Variants in FAM210A observed in about 807,000 individuals in gnomAD.
The protein encoded by FAM210A is mitochondrial inner membrane scaffold 1, also known as family with sequence similarity 210 member A.
FAM210A carries 13 observed loss-of-function variants against 25.3 expected under a neutral mutation model. That is an observed-to-expected ratio of 0.51 (90% CI 0.33 to 0.82). The LOEUF (loss-of-function observed/expected upper bound fraction) is 0.82, where lower values mean the gene tolerates loss of function less well. Among genes scored for constraint, FAM210A ranks in the 40% least tolerant of loss-of-function variants. The pLI, the probability that FAM210A is intolerant of heterozygous loss-of-function variation, is 0.02. For missense variants in FAM210A, 319 were observed against 323.2 expected, an observed-to-expected ratio of 0.99 and a Z score of 0.10; for synonymous variants, 125 against 118.7, an observed-to-expected ratio of 1.05 and a Z score of -0.35.
intron 2 of FAM210A, 113 bp from the exon 3 acceptor site, chr18:13,672,086 T>C: frequency 1.8e-5 from 12 of 681,968 alleles, no homozygotes; most frequent in Non-Finnish European, 2.9e-5. Flanking sequence ...GCTTAAAAGT[T>C]GATTCTACAT....
chr18:13,677,366 G>A lies in FAM210A; in HGVS notation c.473+4239C>T, dbSNP rs546685783. On this transcript the variant is annotated intron_variant, in intron 2 of 3. Transcript: ENST00000651643. Reference sequence around the variant, plus strand: ...TGGGATTACAGGCGTGAGCCATCACGCCCGGCCCCTGTCCCGCTTAAGGGC... The same window carrying A: ...TGGGATTACAGGCGTGAGCCATCACACCCGGCCCCTGTCCCGCTTAAGGGC... Among the ~76,000 whole-genome samples the A allele has an allele frequency of 1.6e-3, 246 of 152,256 alleles. 1 individual carries two copies. The highest frequency in any genetic ancestry group is 5.8e-3 in the African/African-American group (239 of 41,564).
At chr18:13,682,950 G>A (rs1368343233) in intron 1 of FAM210A, among the ~76,000 whole-genome samples, 4 of 152,176 alleles carry the variant, frequency 2.6e-5, no homozygotes, top group African/African-American at 9.7e-5. Flanking sequence ...TGACACCATG[G>A]GGAATAATGT....
intron 1 of FAM210A, among the ~76,000 whole-genome samples, chr18:13,696,949 T>C (rs1204168222): frequency 6.6e-6 from 1 of 152,214 alleles, no homozygotes; most frequent in Non-Finnish European, 1.5e-5. Flanking sequence ...TGGTAAGTAC[T>C]CTGGTATAGG....
At position 13,681,592 on chromosome 18, in the gene FAM210A, A is replaced by C; in HGVS notation, c.473+13T>G. 1.3e-6 allele frequency: 2 copies of C among 1,569,500 alleles called. No homozygotes were observed. Among genetic ancestry groups the C allele is most frequent in the Non-Finnish European group, 1.7e-6 (2 of 1,160,060 alleles). ...TAAGACAGGGAAAGACATTCAACTA[A>C]GCAAAAACTTACTTCAAGGCTGCAT... is the stretch of plus-strand genomic sequence containing the variant. On this transcript the variant is annotated intron_variant, in intron 2 of 3. Transcript: ENST00000651643.
intron 1 of FAM210A, among the ~76,000 whole-genome samples, chr18:13,687,239 G>A (rs991409124): frequency 1.1e-4 from 16 of 152,172 alleles, no homozygotes; most frequent in African/African-American, 3.4e-4. Context: ...CAGGTCACAC[G>A]CCTGTTACCA....
chr18:13,682,122 T>C lies in FAM210A; in HGVS notation c.-28-17A>G. Reference sequence around the variant, plus strand: ...TTTCAGCTTCTACAAAGACAATTTTTCAAAAAAATTAGGTAATACTTAGGT... The same window carrying C: ...TTTCAGCTTCTACAAAGACAATTTTCCAAAAAAATTAGGTAATACTTAGGT... On this transcript the variant is annotated splice_polypyrimidine_tract_variant and intron_variant, in intron 1 of 3. Transcript: ENST00000651643. 1 of 1,495,576 alleles carries C rather than the reference T, an allele frequency of 6.7e-7. No homozygotes were observed. Among genetic ancestry groups the C allele is most frequent in the Non-Finnish European group, 9.0e-7 (1 of 1,114,838 alleles). 92.6% of individuals were successfully genotyped at this position (1,495,576 alleles called of 1,614,324 possible).
At chr18:13,691,006 G>A (rs1229660122) in intron 1 of FAM210A, among the ~76,000 whole-genome samples, 1 of 152,076 alleles carries the variant, frequency 6.6e-6, no homozygotes, top group Non-Finnish European at 1.5e-5. Flanking sequence ...TAAAAACCTT[G>A]AAAAAAGATT....
chr18:13,711,736 TG>T (rs569525736), intron 1 of FAM210A, among the ~76,000 whole-genome samples: 97 of 152,318 alleles, frequency 6.4e-4, no homozygotes, highest in African/African-American at 2.3e-3. Context: ...CATTAGGTGA[TG>T]AACCCCAATT....
At chr18:13,686,073 T>G (rs1021389879) in intron 1 of FAM210A, among the ~76,000 whole-genome samples, 7 of 152,024 alleles carry the variant, frequency 4.6e-5, no homozygotes, top group Non-Finnish European at 1.0e-4. Flanking sequence ...CTAGCCAAGA[T>G]AAACTAAGAG....
At chr18:13,684,488 C>T (rs1786545) in intron 1 of FAM210A, among the ~76,000 whole-genome samples, 140,379 of 152,234 alleles carry the variant, frequency 0.92, 64,770 homozygotes, top group East Asian at 0.97. Context: ...AAGAGGGGCA[C>T]TGTATAATAA....
At chr18:13,669,696 C>T (rs2043427187) in intron 3 of FAM210A, among the ~76,000 whole-genome samples, 1 of 152,192 alleles carries the variant, frequency 6.6e-6, no homozygotes, top group African/African-American at 2.4e-5. Flanking sequence ...ACTACACTAT[C>T]AGCCCTATGA....
intron 1 of FAM210A, among the ~76,000 whole-genome samples, chr18:13,720,975 A>G (rs1374369340): frequency 1.3e-5 from 2 of 152,088 alleles, no homozygotes; most frequent in Non-Finnish European, 2.9e-5. Context: ...TCCTGTTTAT[A>G]AGGACACCAG....
chr18:13,702,739 C>T (rs543919480), intron 1 of FAM210A, among the ~76,000 whole-genome samples: 19 of 152,252 alleles, frequency 1.2e-4, no homozygotes, highest in South Asian at 6.2e-4. Flanking sequence ...AGTGGTGATC[C>T]GGGTCCAATA....
chr18:13,716,835 C>A (rs1300915468), intron 1 of FAM210A, among the ~76,000 whole-genome samples: 1 of 152,182 alleles, frequency 6.6e-6, no homozygotes, highest in Non-Finnish European at 1.5e-5. Flanking sequence ...TCCAGCCATG[C>A]TGAACTGTGA....
chr18:13,676,713 T>C (rs118072770), intron 2 of FAM210A, among the ~76,000 whole-genome samples: 2,074 of 152,360 alleles, frequency 0.014, 23 homozygotes, highest in Middle Eastern at 0.037. Flanking sequence ...GTCTCTCTAG[T>C]CTGCTTTTCT....
At chr18:13,670,315 C>T (rs1453645285) in intron 3 of FAM210A, among the ~76,000 whole-genome samples, 1 of 152,230 alleles carries the variant, frequency 6.6e-6, no homozygotes. Flanking sequence ...TAAAATTATA[C>T]CCACCATAAT....
chr18:13,683,117 C>T (rs781389649), intron 1 of FAM210A, among the ~76,000 whole-genome samples: 1 of 151,982 alleles, frequency 6.6e-6, no homozygotes, highest in African/African-American at 2.4e-5. Context: ...AGGATTGTCA[C>T]CAGGAATTAC....
At chr18:13,719,812 T>C (rs2043885677) in intron 1 of FAM210A, among the ~76,000 whole-genome samples, 1 of 152,204 alleles carries the variant, frequency 6.6e-6, no homozygotes, top group African/African-American at 2.4e-5. Context: ...GACTAATGAC[T>C]TCACAAGACA....
chr18:13,695,491 T>G (rs568575005), intron 1 of FAM210A, among the ~76,000 whole-genome samples: 1 of 152,208 alleles, frequency 6.6e-6, no homozygotes, highest in East Asian at 1.9e-4. Flanking sequence ...TAGACTGGAT[T>G]AAGAAAATGT....
Sources: gnomAD v4.1 joint callset for allele counts (sites outside exome capture counted in the v4.1 genomes callset) on GRCh38, gnomAD v4.1.1 for gene constraint, MANE v1.5 for transcripts, NCBI Gene and HGNC (gene_info 2026-07-23, HGNC 2026-07-21) for gene names.